The following CGNL1 variants were observed in gnomAD, a reference collection of about 807,000 sequenced individuals.
CGNL1 encodes the protein cingulin-like protein 1.
In CGNL1, 132 loss-of-function variants were observed where a neutral mutation model predicts 141.2. The observed-to-expected ratio is 0.93, with a 90% CI of 0.81 to 1.08. CGNL1 has a LOEUF of 1.08. CGNL1 is among the 50% of genes least tolerant of loss of function. CGNL1 has a pLI of 0.00. For missense variants in CGNL1, 1,870 were observed against 1,588.6 expected, an observed-to-expected ratio of 1.18 and a Z score of -3.01; for synonymous variants, 690 against 622.1, an observed-to-expected ratio of 1.11 and a Z score of -1.63.
At chr15:57,470,328 G>A (rs1337146397) in intron 8 of CGNL1, among the ~76,000 whole-genome samples, 1 of 124,602 alleles carries the variant, frequency 8.0e-6, no homozygotes, top group Non-Finnish European at 1.6e-5. Context: ...ATCTTGTATT[G>A]ATTAAAAAGT....
intron 1 of CGNL1, among the ~76,000 whole-genome samples, chr15:57,379,490 C>G (rs1315164244): frequency 1.3e-5 from 2 of 152,098 alleles, no homozygotes; most frequent in Non-Finnish European, 2.9e-5. Flanking sequence ...GTTTAATTTG[C>G]TTGTGCTGAT....
chr15:57,446,375 C>G (rs1216076462), intron 4 of CGNL1, among the ~76,000 whole-genome samples: 1 of 152,150 alleles, frequency 6.6e-6, no homozygotes, highest in African/African-American at 2.4e-5. Flanking sequence ...CATAAATTGT[C>G]CCCCTTCCTT....
intron 1 of CGNL1, among the ~76,000 whole-genome samples, chr15:57,428,570 C>A (rs2063006165): frequency 1.3e-5 from 2 of 152,100 alleles, no homozygotes; most frequent in South Asian, 4.1e-4. Context: ...GGCTGGAGAG[C>A]CTGTGTTGAG....
chr15:57,517,040 T>C, intron 9 of CGNL1, 54 bp downstream of exon 9: 4 of 1,527,460 alleles, frequency 2.6e-6, no homozygotes, highest in Admixed American at 1.9e-5. Flanking sequence ...CCTTCTTTCC[T>C]GTGTAAGTGA....
At chr15:57,448,984 T>C (rs1176929674) in intron 4 of CGNL1, among the ~76,000 whole-genome samples, 2 of 152,216 alleles carry the variant, frequency 1.3e-5, no homozygotes, top group East Asian at 3.8e-4. Flanking sequence ...TAGGCATTAT[T>C]AGGGAGTGTC....
intron 1 of CGNL1, among the ~76,000 whole-genome samples, chr15:57,390,092 A>G (rs1260064334): frequency 6.6e-6 from 1 of 152,232 alleles, no homozygotes; most frequent in African/African-American, 2.4e-5. Context: ...CTGGGATTAC[A>G]GGTGTGAGCC....
chr15:57,390,510 T>C (rs2062530918), intron 1 of CGNL1, among the ~76,000 whole-genome samples: 1 of 152,208 alleles, frequency 6.6e-6, no homozygotes, highest in African/African-American at 2.4e-5. Context: ...CGAAGTCATA[T>C]GGCAAAGAAG....
chr15:57,414,286 A>G (rs1384813111), intron 1 of CGNL1, among the ~76,000 whole-genome samples: 1 of 152,234 alleles, frequency 6.6e-6, no homozygotes, highest in Non-Finnish European at 1.5e-5. Context: ...CTGGCCGTCC[A>G]TCACAGGCAG....
At chr15:57,468,980 C>T (rs1176708264) in intron 8 of CGNL1, among the ~76,000 whole-genome samples, 2 of 152,190 alleles carry the variant, frequency 1.3e-5, no homozygotes, top group African/African-American at 2.4e-5. Flanking sequence ...TCCCTAGCCA[C>T]GTGGAACTGT....
chr15:57,409,891 T>C (rs1418395941), intron 1 of CGNL1, among the ~76,000 whole-genome samples: 1 of 152,318 alleles, frequency 6.6e-6, no homozygotes, highest in East Asian at 1.9e-4. Context: ...GGGAAGGGAA[T>C]GAAGAACAGG....
chr15:57,498,776 A>G (rs1231705998), intron 8 of CGNL1, among the ~76,000 whole-genome samples: 1 of 152,068 alleles, frequency 6.6e-6, no homozygotes, highest in African/African-American at 2.4e-5. Context: ...GAGAGGAGGC[A>G]GAGTCTTCAG....
intron 1 of CGNL1, among the ~76,000 whole-genome samples, chr15:57,435,974 G>A (rs1045993953): frequency 5.3e-5 from 8 of 152,126 alleles, no homozygotes; most frequent in African/African-American, 1.9e-4. Context: ...TACAGGTAGA[G>A]ATTAGCAACA....
At chr15:57,441,233 G>T (rs2063183193) in intron 3 of CGNL1, among the ~76,000 whole-genome samples, 1 of 151,286 alleles carries the variant, frequency 6.6e-6, no homozygotes, top group Non-Finnish European at 1.5e-5. Context: ...ATAAAACAGG[G>T]GATCTTTTGA....
chr15:57,397,336 G>A (rs577347175), intron 1 of CGNL1, among the ~76,000 whole-genome samples: 90 of 152,284 alleles, frequency 5.9e-4, no homozygotes, highest in African/African-American at 2.1e-3. Flanking sequence ...ACCCACAGGG[G>A]ACCCGCAGGC....
At chr15:57,425,291 G>A (rs1021197637) in intron 1 of CGNL1, among the ~76,000 whole-genome samples, 1 of 152,152 alleles carries the variant, frequency 6.6e-6, no homozygotes, top group Non-Finnish European at 1.5e-5. Flanking sequence ...TTGAGCCCAG[G>A]AGTTGGAGGT....
At chr15:57,389,107 G>T (rs2152227598) in intron 1 of CGNL1, among the ~76,000 whole-genome samples, 1 of 152,126 alleles carries the variant, frequency 6.6e-6, no homozygotes, top group East Asian at 1.9e-4. Context: ...ATCAGTGGCT[G>T]CACCTGGGCA....
intron 8 of CGNL1, among the ~76,000 whole-genome samples, chr15:57,503,670 G>A (rs1344631821): frequency 6.6e-6 from 1 of 152,312 alleles, no homozygotes; most frequent in East Asian, 1.9e-4. Context: ...AAGAGGTTTA[G>A]TTGGACTTAG....
At chr15:57,494,427 C>T (rs766690747) in intron 8 of CGNL1, among the ~76,000 whole-genome samples, 1 of 152,194 alleles carries the variant, frequency 6.6e-6, no homozygotes, top group South Asian at 2.1e-4. Flanking sequence ...TCTGCCACCA[C>T]CCTTTTTCTT....
chr15:57,404,123 G>T (rs1376322308), intron 1 of CGNL1, among the ~76,000 whole-genome samples: 1 of 152,186 alleles, frequency 6.6e-6, no homozygotes, highest in African/African-American at 2.4e-5. Flanking sequence ...GGCTGCCTGT[G>T]TGCTTGTTCT....
Sources: allele counts gnomAD v4.1 joint callset (sites outside exome capture counted in the v4.1 genomes callset), GRCh38; gene constraint gnomAD v4.1.1; transcripts MANE v1.5; gene names NCBI Gene and HGNC (gene_info 2026-07-23, HGNC 2026-07-21).